ERI1: variants seen among roughly 807,000 people sequenced by gnomAD.
ERI1 encodes 3'-5' exoribonuclease 1.
Under a neutral mutation model 39.7 loss-of-function variants are expected in ERI1, and 39 were observed. The ratio of observed to expected loss-of-function variants is 0.98; its 90% CI spans 0.76 to 1.28. ERI1 has a LOEUF of 1.28. Among genes scored for constraint, ERI1 ranks in the 50% most tolerant of loss-of-function variants. The probability of loss-of-function intolerance (pLI) is 0.00; values close to 1 mark genes in which losing one functional copy is unlikely to be tolerated. For missense variants in ERI1, 581 were observed against 416.9 expected, an observed-to-expected ratio of 1.39 and a Z score of -3.43; for synonymous variants, 204 against 149.6, an observed-to-expected ratio of 1.36 and a Z score of -2.65.
At chr8:9,075,348 A>C (rs1055618809) in intron 3 of ERI1, among the ~76,000 whole-genome samples, 14 of 152,304 alleles carry the variant, frequency 9.2e-5, no homozygotes, top group African/African-American at 3.1e-4. Context: ...GGAGACATGT[A>C]TTGGGAAATA....
downstream of ERI1, among the ~76,000 whole-genome samples, chr8:9,038,308 C>T (rs1032180985): frequency 3.9e-5 from 6 of 152,174 alleles, no homozygotes; most frequent in African/African-American, 1.4e-4. Context: ...GTTTCAGTTA[C>T]CCAAGGTGCA....
In ERI1 at chr8:9,009,899, G is replaced by A. The variant is rs79097840; in HGVS notation, c.288-1643G>A. Among the ~76,000 whole-genome samples the A allele has an allele frequency of 8.8e-3, 1,347 of 152,302 alleles. 19 individuals carry two copies. Among genetic ancestry groups the A allele is most frequent in the African/African-American group, 0.031 (1,293 of 41,564 alleles). On this transcript the variant is annotated intron_variant, in intron 2 of 6. Transcript: ENST00000250263. ...ACCTCAGGAACATGTGACAATGATA[G>A]TGAAATGATAGGTTGTAGCCAAGTT...
intron 3 of ERI1, among the ~76,000 whole-genome samples, chr8:9,067,712 G>T (rs1563369602): frequency 6.7e-6 from 1 of 150,362 alleles, no homozygotes; most frequent in Non-Finnish European, 1.5e-5. Flanking sequence ...CCTTACAGAT[G>T]ATCCAGTCCA....
downstream of ERI1, among the ~76,000 whole-genome samples, chr8:9,033,713 A>G (rs1331083345): frequency 2.0e-5 from 3 of 152,174 alleles, no homozygotes; most frequent in African/African-American, 7.2e-5. Flanking sequence ...TAAGTTGCCA[A>G]AGTTTAAGTA....
At chr8:9,069,019 G>T (rs982627462) in intron 3 of ERI1, among the ~76,000 whole-genome samples, 2 of 152,120 alleles carry the variant, frequency 1.3e-5, no homozygotes, top group Non-Finnish European at 2.9e-5. Context: ...GGGCCGCGCT[G>T]TGTGGCCCAG....
At position 9,078,799 on chromosome 8, in the gene ERI1, G is replaced by C. The variant is rs77317835; in HGVS notation, n.300-37549G>C. On this transcript the variant is annotated intron_variant and non_coding_transcript_variant, in intron 3 of 3. Transcript: ENST00000518663. ...TGCTCAAAGTCAGAGAACCAAAACT[G>C]TAAGAGAAGATTATCTTTTTTCTCT... 9.7e-3 allele frequency among the ~76,000 whole-genome samples: 1,474 copies of C among 152,268 alleles called. 29 individuals carry two copies. The highest frequency in any genetic ancestry group is 0.034 in the African/African-American group (1,419 of 41,542).
At chr8:9,022,558 A>G (rs939708099) in intron 6 of ERI1, among the ~76,000 whole-genome samples, 1 of 151,700 alleles carries the variant, frequency 6.6e-6, no homozygotes, top group African/African-American at 2.4e-5. Context: ...CACAACCACA[A>G]CTGGCTAATT....
rs1262182462 is a variant in ERI1 at position 9,007,959 on chromosome 8, T to A, written c.109-11T>A. Reference sequence around the variant, plus strand: ...CCTTTTTTTTTTTTTTTTTTTTTTTTTTTTTGGTAGGAAACTCAACAGTGT... The same window carrying A: ...CCTTTTTTTTTTTTTTTTTTTTTTTATTTTTGGTAGGAAACTCAACAGTGT... On this transcript the variant is annotated splice_polypyrimidine_tract_variant and intron_variant, in intron 1 of 6. Coordinates refer to ENST00000250263, the MANE Select transcript of ERI1 (RefSeq NM_153332.4). 5 of 1,499,638 alleles carry A rather than the reference T, an allele frequency of 3.3e-6. No homozygotes were observed. Among genetic ancestry groups the A allele is most frequent in the Admixed American group, 5.0e-5 (2 of 40,076 alleles). 92.9% of individuals were successfully genotyped at this position (1,499,638 alleles called of 1,614,324 possible).
intron 2 of ERI1, among the ~76,000 whole-genome samples, chr8:9,010,902 G>A (rs557444603): frequency 4.6e-4 from 70 of 152,160 alleles, no homozygotes; most frequent in African/African-American, 1.5e-3. Context: ...GATAAATTAA[G>A]AAACTTATTT....
chr8:9,028,401 G>A (rs1405552008), intron 6 of ERI1, among the ~76,000 whole-genome samples: 1 of 152,172 alleles, frequency 6.6e-6, no homozygotes, highest in Non-Finnish European at 1.5e-5. Flanking sequence ...ATTAGTGGAA[G>A]GTACAGGGTA....
chr8:9,084,362 G>C (rs1799461700), intron 3 of ERI1, among the ~76,000 whole-genome samples: 1 of 152,082 alleles, frequency 6.6e-6, no homozygotes, highest in African/African-American at 2.4e-5. Flanking sequence ...TTATTGCTTT[G>C]TAACTTTCTA....
chr8:9,003,442 T>G (rs1163349169), intron 1 of ERI1, among the ~76,000 whole-genome samples: 1 of 152,240 alleles, frequency 6.6e-6, no homozygotes, highest in East Asian at 1.9e-4. Context: ...AGTTTTGCTT[T>G]AAACTTAATT....
At position 9,030,049 on chromosome 8, in the gene ERI1, G is replaced by C; in HGVS notation, c.*15G>C. ...TTAGAAAGTAACAACAGTTTTGTGT[G>C]TGGATCATTCCAATTGAAGTTGCTA... On this transcript the variant is annotated 3_prime_UTR_variant, in exon 7 of 7. Transcript: ENST00000250263. 6.2e-7 allele frequency: 1 copy of C among 1,611,002 alleles called. No individual in the cohort carries two copies. The highest frequency in any genetic ancestry group is 8.5e-7 in the Non-Finnish European group (1 of 1,177,360).
chr8:9,004,204 T>C (rs1287068160), intron 1 of ERI1: 1 of 1,283,924 alleles, frequency 7.8e-7, no homozygotes, highest in Non-Finnish European at 1.0e-6. Flanking sequence ...AGGTTGTTAT[T>C]TCAAAGAGTA....
At position 9,018,326 on chromosome 8, in the gene ERI1, T is replaced by G; in HGVS notation, c.612T>G (p.Pro204=). ...QDQVDRADTF[P]QVLKKVIDWM... Reference sequence around the variant, plus strand: ...AGGTAGACAGAGCTGATACCTTCCCTCAGGTACTAAAAAAAGTAATTGACT... The same window carrying G: ...AGGTAGACAGAGCTGATACCTTCCCGCAGGTACTAAAAAAAGTAATTGACT... Residue 204 remains proline, a synonymous_variant, in exon 5 of 7, where the codon CCT becomes CCG. Coordinates refer to ENST00000250263, the MANE Select transcript of ERI1 (RefSeq NM_153332.4). 1 of 1,612,444 alleles carries G rather than the reference T, an allele frequency of 6.2e-7. No individual in the cohort carries two copies. The highest frequency in any genetic ancestry group is 8.5e-7 in the Non-Finnish European group (1 of 1,178,700).
chr8:9,097,660 C>T (rs1308662450), intron 3 of ERI1, among the ~76,000 whole-genome samples: 1 of 125,540 alleles, frequency 8.0e-6, no homozygotes, highest in African/African-American at 3.3e-5. Flanking sequence ...CAGAATGACA[C>T]TCTGTCAAAA....
chr8:9,041,478 A>G (rs1420513689), intron 3 of ERI1, among the ~76,000 whole-genome samples: 1 of 152,234 alleles, frequency 6.6e-6, no homozygotes, highest in Admixed American at 6.5e-5. Flanking sequence ...TCGAAATTGT[A>G]TCAAACATCT....
At chr8:9,081,410 A>G (rs1799360554) in intron 3 of ERI1, among the ~76,000 whole-genome samples, 1 of 152,348 alleles carries the variant, frequency 6.6e-6, no homozygotes, top group Non-Finnish European at 1.5e-5. Flanking sequence ...GAGGTTCTTT[A>G]TACTAGTCTG....
At chr8:9,058,724 CTGT>C (rs1032619383) in intron 3 of ERI1, among the ~76,000 whole-genome samples, 4 of 152,074 alleles carry the variant, frequency 2.6e-5, no homozygotes, top group South Asian at 2.1e-4. Context: ...GATGTCTTTG[CTGT>C]TGTTGTTAGA....
Sources: allele counts gnomAD v4.1 joint callset (sites outside exome capture counted in the v4.1 genomes callset), GRCh38; gene constraint gnomAD v4.1.1; transcripts MANE v1.5; gene names NCBI Gene and HGNC (gene_info 2026-07-23, HGNC 2026-07-21).